The following IL1RAPL2 variants were observed in gnomAD, a reference collection of about 807,000 sequenced individuals.
IL1RAPL2 encodes the protein interleukin 1 receptor accessory protein like 2.
A neutral mutation model predicts 44.1 loss-of-function variants in IL1RAPL2; 3 were observed. The ratio of observed to expected loss-of-function variants is 0.07; its 90% CI spans 0.03 to 0.18. The LOEUF (loss-of-function observed/expected upper bound fraction) is 0.18. Among genes scored for constraint, IL1RAPL2 ranks in the 10% least tolerant of loss-of-function variants. The pLI is 1.00. For synonymous variants in IL1RAPL2, 181 were observed against 178.8 expected (o/e 1.01, Z -0.10); for missense variants, 391 against 496.4 (o/e 0.79, Z 2.02).
At chrX:105,629,589 A>G (rs759842926) in intron 6 of IL1RAPL2, among the ~76,000 whole-genome samples, 1 of 111,504 alleles carries the variant, frequency 9.0e-6, no homozygotes, top group Admixed American at 9.6e-5. Context: ...TCAGTCTTCT[A>G]TTTGATATGG....
At chrX:104,931,273 G>C (rs1486217242) in intron 2 of IL1RAPL2, among the ~76,000 whole-genome samples, 1 of 107,136 alleles carries the variant, frequency 9.3e-6, no homozygotes, top group Non-Finnish European at 1.9e-5. Context: ...AACGAAAAGT[G>C]AATATAAATA....
intron 7 of IL1RAPL2, among the ~76,000 whole-genome samples, chrX:105,737,612 G>C (rs2038460995): frequency 9.0e-6 from 1 of 111,330 alleles, no homozygotes; most frequent in Non-Finnish European, 1.9e-5. Context: ...GGCTTGGTTT[G>C]GAAGAACAGG....
chrX:104,613,754 T>C (rs1233726479), intron 1 of IL1RAPL2, among the ~76,000 whole-genome samples: 2 of 108,975 alleles, frequency 1.8e-5, no homozygotes, highest in African/African-American at 6.7e-5. Flanking sequence ...GTATCCACCG[T>C]GATTTGTATG....
intron 2 of IL1RAPL2, among the ~76,000 whole-genome samples, chrX:105,052,186 C>T (rs1229950690): frequency 1.8e-5 from 2 of 111,808 alleles, no homozygotes; most frequent in Admixed American, 9.5e-5. Flanking sequence ...CTAAGGCATA[C>T]CTCATGGTCA....
At chrX:105,355,114 T>G (rs981770782) in intron 5 of IL1RAPL2, among the ~76,000 whole-genome samples, 7 of 111,765 alleles carry the variant, frequency 6.3e-5, no homozygotes, top group African/African-American at 2.3e-4. Flanking sequence ...ATGCAATCCA[T>G]TTTTTACCTA....
chrX:105,670,146 T>TATATATATATATATATATATATA lies in IL1RAPL2; in HGVS notation c.773-47219_773-47218insATATATATATATATATATATAAT, dbSNP rs1301114173. Among the ~76,000 whole-genome samples the TATATATATATATATATATATATA allele has an allele frequency of 3.6e-3, 165 of 46,314 alleles. 25 individuals carry two copies. The highest frequency in any genetic ancestry group is 5.1e-3 in the Non-Finnish European group (114 of 22,280). 40.2% of individuals were successfully genotyped at this position (46,314 alleles called of 115,157 possible). A position where few individuals can be genotyped will look rare whatever the true frequency, so the allele number is the denominator to read the frequency against. Reference sequence around the variant, plus strand: ...ATATATATATATATATATATATATATATCTCCACCAGACCACACAGTCTTG... The same window carrying TATATATATATATATATATATATA: ...ATATATATATATATATATATATATATATATATATATATATATATATATAATCTCCACCAGACCACACAGTCTTG... On this transcript the variant is annotated intron_variant, in intron 6 of 10. Coordinates refer to ENST00000372582, the MANE Select transcript of IL1RAPL2 (RefSeq NM_017416.2).
At chrX:105,730,824 G>C (rs912163090) in intron 7 of IL1RAPL2, among the ~76,000 whole-genome samples, 6 of 111,312 alleles carry the variant, frequency 5.4e-5, no homozygotes, top group African/African-American at 2.0e-4. Context: ...AATGAAAATG[G>C]AAACAAAACA....
chrX:105,689,103 C>G (rs2038012633), intron 6 of IL1RAPL2, among the ~76,000 whole-genome samples: 1 of 111,674 alleles, frequency 9.0e-6, no homozygotes, highest in Non-Finnish European at 1.9e-5. Flanking sequence ...AATGTTAGAC[C>G]TAAAACCATA....
chrX:105,276,063 G>T (rs1360425836), intron 5 of IL1RAPL2, among the ~76,000 whole-genome samples: 1 of 112,321 alleles, frequency 8.9e-6, no homozygotes, highest in Non-Finnish European at 1.9e-5. Flanking sequence ...AAAGGAAAAC[G>T]ATTTACTACT....
chrX:104,808,829 A>G (rs1932944386), intron 2 of IL1RAPL2, among the ~76,000 whole-genome samples: 1 of 111,797 alleles, frequency 8.9e-6, no homozygotes, highest in South Asian at 3.8e-4. Flanking sequence ...ATTTAAGTAG[A>G]AATGCGAAGC....
At position 104,626,742 on chromosome X, in the gene IL1RAPL2, G is replaced by A. The variant is rs377250079; in HGVS notation, c.-19-32153G>A. ...GTTTCTACCAGTTTGTTGTTATATAGGTAATGCAATTGATTAAGCTCAATT... is the reference window on the plus strand; with the variant it reads ...GTTTCTACCAGTTTGTTGTTATATAAGTAATGCAATTGATTAAGCTCAATT... On this transcript the variant is annotated intron_variant, in intron 1 of 10. Transcript: ENST00000372582. Among the ~76,000 whole-genome samples, 9 of 110,472 alleles carry A rather than the reference G, an allele frequency of 8.1e-5. No individual in the cohort carries two copies. The East Asian group carries it at 1.7e-3, about 21-fold the overall frequency.
chrX:105,403,383 A>AT, intron 5 of IL1RAPL2, among the ~76,000 whole-genome samples: 1 of 110,783 alleles, frequency 9.0e-6, no homozygotes, highest in East Asian at 2.9e-4. Context: ...TTGAAATATT[A>AT]TTTTTTTTCT....
At chrX:105,076,629 T>C (rs1369935521) in intron 2 of IL1RAPL2, among the ~76,000 whole-genome samples, 1 of 111,408 alleles carries the variant, frequency 9.0e-6, no homozygotes, top group Non-Finnish European at 1.9e-5. Context: ...ATCTGTCTAA[T>C]GTTGACAGTG....
At chrX:105,718,658 G>A (rs954655478) in intron 7 of IL1RAPL2, among the ~76,000 whole-genome samples, 1 of 111,606 alleles carries the variant, frequency 9.0e-6, no homozygotes, top group African/African-American at 3.3e-5. Flanking sequence ...AGTTATTCAG[G>A]CCTATAATCC....
intron 1 of IL1RAPL2, among the ~76,000 whole-genome samples, chrX:104,637,683 T>A (rs1929843680): frequency 1.8e-5 from 2 of 111,298 alleles, no homozygotes; most frequent in Non-Finnish European, 3.8e-5. Flanking sequence ...TGATGTATTA[T>A]CTTCTTGATG....
At chrX:105,371,490 A>G (rs867611498) in intron 5 of IL1RAPL2, among the ~76,000 whole-genome samples, 19 of 111,529 alleles carry the variant, frequency 1.7e-4, no homozygotes, top group Non-Finnish European at 2.4e-4. Flanking sequence ...ATTAGAAGAC[A>G]AAAGTAAGGA....
chrX:105,412,648 A>C (rs749744812), intron 5 of IL1RAPL2, among the ~76,000 whole-genome samples: 2 of 111,261 alleles, frequency 1.8e-5, no homozygotes, highest in Admixed American at 1.9e-4. Context: ...AATGCTTATC[A>C]GTAAGGTATA....
At chrX:105,310,028 C>CT (rs2034784532) in intron 5 of IL1RAPL2, among the ~76,000 whole-genome samples, 1 of 111,209 alleles carries the variant, frequency 9.0e-6, no homozygotes, top group African/African-American at 3.3e-5. Context: ...CCCTCCAACT[C>CT]TTTTATCTGA....
intron 2 of IL1RAPL2, among the ~76,000 whole-genome samples, chrX:104,739,643 C>G (rs1406769094): frequency 8.9e-6 from 1 of 111,880 alleles, no homozygotes; most frequent in Non-Finnish European, 1.9e-5. Flanking sequence ...TTGAGTCCCT[C>G]TTTGTAGGAG....
Sources: gnomAD v4.1 joint callset for allele counts (sites outside exome capture counted in the v4.1 genomes callset) on GRCh38, gnomAD v4.1.1 for gene constraint, MANE v1.5 for transcripts, NCBI Gene and HGNC (gene_info 2026-07-23, HGNC 2026-07-21) for gene names.